Variants in SEC31B observed in about 807,000 individuals in gnomAD.
SEC31B encodes the protein SEC31 homolog B, COPII component.
In SEC31B, 113 loss-of-function variants were observed where a neutral mutation model predicts 135.0. The ratio of observed to expected loss-of-function variants is 0.84; its 90% CI spans 0.72 to 0.98. The LOEUF is 0.98. Among genes scored for constraint, SEC31B ranks in the 50% least tolerant of loss-of-function variants. The pLI is 0.00. For missense variants in SEC31B, 1,296 were observed against 1,421.1 expected, an observed-to-expected ratio of 0.91 and a Z score of 1.42; for synonymous variants, 508 against 549.4, an observed-to-expected ratio of 0.92 and a Z score of 1.05.
rs1262458366 is a variant in SEC31B at position 100,489,231 on chromosome 10, G to C, written c.3171+21C>G. On this transcript the variant is annotated intron_variant, in intron 23 of 25. Transcript: ENST00000370345. ...GGGCTGGAAGGTTTCCCAAGGGAGG[G>C]GAATACATTGTCCTTGTCACCTGCA... The C allele has an allele frequency of 3.1e-6, 5 of 1,591,306 alleles. No homozygotes were observed. In the Admixed American group the frequency reaches 5.5e-5, roughly 17 times the overall value.
chr10:100,489,150 C>A (rs1423913839), intron 23 of SEC31B, 102 bp downstream of exon 23: 6 of 1,456,766 alleles, frequency 4.1e-6, no homozygotes, highest in Non-Finnish European at 5.5e-6. Flanking sequence ...CCCCCAGTCT[C>A]CCTCAGCACA....
chr10:100,492,223 CTATT>C (rs893896568), intron 19 of SEC31B, among the ~76,000 whole-genome samples: 2 of 152,220 alleles, frequency 1.3e-5, no homozygotes, highest in South Asian at 2.1e-4. Flanking sequence ...TTCATGTTCA[CTATT>C]TATTTATTTT....
intron 19 of SEC31B, among the ~76,000 whole-genome samples, chr10:100,492,396 T>C (rs1851317564): frequency 6.6e-6 from 1 of 152,164 alleles, no homozygotes; most frequent in South Asian, 2.1e-4. Context: ...GTTAATTTTA[T>C]ATTTTTAGTA....
chr10:100,497,105 A>G (rs1275081999), intron 17 of SEC31B, 30 bp downstream of exon 17: 1 of 1,607,228 alleles, frequency 6.2e-7, no homozygotes, highest in Non-Finnish European at 8.5e-7. Flanking sequence ...CCTGGTGTGG[A>G]GTGGCCAGTA....
rs201132275 is a variant in SEC31B, at chr10:100,507,503, T to A, written c.704A>T (p.Asp235Val). ...CAGCTGAATCACGGGAAGTCGATCA[T>A]CCTCTGAGCACAGCACTAACTGGGT... ...IATQLVLCSE[D>V]DRLPVIQLWD... Residue 235 changes from aspartate to valine, a missense_variant, in exon 7 of 26, where the codon GAT (aspartate) becomes GTT (valine). Physicochemically the swap from Asp to Val is radical, Grantham distance 152 (BLOSUM62 -3). Transcript: ENST00000370345. The A allele has an allele frequency of 6.2e-7, 1 of 1,614,162 alleles. No individual in the cohort carries two copies. The highest frequency in any genetic ancestry group is 1.7e-5 in the Admixed American group (1 of 60,024).
chr10:100,498,876 C>A, intron 13 of SEC31B, 72 bp from the exon 14 acceptor site: 1 of 1,177,688 alleles, frequency 8.5e-7, no homozygotes, highest in South Asian at 1.3e-5. Context: ...CTTAGTAGCC[C>A]TGAGAGCTCT....
rs369119679 is a variant in SEC31B at position 100,490,724 on chromosome 10, T to G, written c.2632A>C (p.Ser878Arg). The change falls in exon 20 of 26, where the codon AGC becomes CGC. Residue 878 changes from serine to arginine, a missense_variant. Ser to Arg is a moderately radical substitution (Grantham distance 110). Transcript: ENST00000370345. Reference protein sequence around the residue: ...GPQAIQPLPLSPGVRPASSQP... With the variant: ...GPQAIQPLPLRPGVRPASSQP... ...CACTCACCAGGCCTTACCCCAGGGC[T>G]CAAAGGCAAAGGCTGGATGGCCTGG... The G allele has an allele frequency of 5.0e-6, 8 of 1,593,024 alleles. No homozygotes were observed. In the African/African-American group the frequency reaches 1.1e-4, roughly 21 times the overall value.
At chr10:100,508,136 C>G in intron 5 of SEC31B, 85 bp from the exon 6 acceptor site, 1 of 1,530,156 alleles carries the variant, frequency 6.5e-7, no homozygotes, top group Non-Finnish European at 9.0e-7. Flanking sequence ...CCCAGCCACC[C>G]ACAGCAAGTC....
At chr10:100,508,784 T>A in intron 5 of SEC31B, 1 of 574,338 alleles carries the variant, frequency 1.7e-6, no homozygotes, top group Non-Finnish European at 3.1e-6. Flanking sequence ...CAGAAACTCT[T>A]AGAACGAGTA....
Position 100,495,496 on chromosome 10 carries a change from A to T in SEC31B, c.2361T>A (p.Ala787=). 2 of 1,614,118 alleles carry T rather than the reference A, an allele frequency of 1.2e-6. No homozygotes were observed. The highest frequency in any genetic ancestry group is 1.7e-6 in the Non-Finnish European group (2 of 1,180,010). Residue 787 remains alanine (A), a synonymous_variant, in exon 19 of 26, where the codon GCT becomes GCA. Transcript: ENST00000370345. ...RDRLFHAQGS[A]VLGQQSPPFP... is the part of the protein sequence containing the mutation. The stretch of plus-strand genomic sequence containing the variant: ...AAGGGGGAGACTGTTGGCCCAAGAC[A>T]GCAGAACCTTGAGCATGAAAAAGCC...
rs755513434 is a variant in SEC31B at position 100,490,861 on chromosome 10, G to A, written c.2495C>T (p.Pro832Leu). 6.5e-7 allele frequency: 1 copy of A among 1,539,920 alleles called. No individual in the cohort carries two copies. The highest frequency in any genetic ancestry group is 8.8e-7 in the Non-Finnish European group (1 of 1,134,350). ...TGATGACTGAGGGGTGAAAACCCTT[G>A]GCCTTGGAGATGGAGTTGGGACCTA... ...SHQVPTPSPR[P>L]RVFTPQSSPA... Residue 832 changes from proline (P) to leucine (L), a missense_variant, in exon 20 of 26, where the codon CCA (proline) becomes CTA (leucine). Transcript: ENST00000370345.
At chr10:100,495,183 C>T in intron 19 of SEC31B, 1 of 583,412 alleles carries the variant, frequency 1.7e-6, no homozygotes, top group Non-Finnish European at 3.1e-6. Flanking sequence ...TACTTGAGGG[C>T]AAGTATCACA....
rs779402259 is a variant in SEC31B, at chr10:100,499,522, A to G, written c.1485+2T>C. The G allele has an allele frequency of 8.7e-6, 14 of 1,604,958 alleles. No individual in the cohort carries two copies. The highest frequency in any genetic ancestry group is 1.2e-5 in the Non-Finnish European group (14 of 1,175,554). Reference sequence around the variant, plus strand: ...ATGTTTCTGATGTGAAAAGCAGCTTACCTTCTTCTGAAGCTCATCTTTACT... The same window carrying G: ...ATGTTTCTGATGTGAAAAGCAGCTTGCCTTCTTCTGAAGCTCATCTTTACT... On this transcript the variant is annotated splice_donor_variant, in intron 12 of 25. Coordinates refer to ENST00000370345, the MANE Select transcript of SEC31B (RefSeq NM_015490.4). LOFTEE classifies it high-confidence loss of function.
intron 16 of SEC31B, 82 bp from the exon 17 acceptor site, chr10:100,497,362 C>A (rs1851431721): frequency 6.3e-6 from 10 of 1,576,772 alleles, no homozygotes. Context: ...GGGAGAGGAC[C>A]ATGAGCCTGG....
At chr10:100,491,382 T>G (rs1203155034) in intron 19 of SEC31B, among the ~76,000 whole-genome samples, 1 of 152,184 alleles carries the variant, frequency 6.6e-6, no homozygotes, top group Non-Finnish European at 1.5e-5. Flanking sequence ...GAAGGAACAC[T>G]TCCTAACTAA....
intron 3 of SEC31B, among the ~76,000 whole-genome samples, chr10:100,514,741 C>T (rs1018856377): frequency 4.6e-5 from 7 of 152,042 alleles, no homozygotes; most frequent in Non-Finnish European, 7.4e-5. Context: ...GTTCATCAAT[C>T]ATCAGAAGGA....
chr10:100,508,437 C>G (rs1304942540), intron 5 of SEC31B: 1 of 477,502 alleles, frequency 2.1e-6, no homozygotes, highest in Non-Finnish European at 4.1e-6. Flanking sequence ...CCACAAGATG[C>G]TATCAAATTG....
At position 100,498,193 on chromosome 10, in the gene SEC31B, G is replaced by A. The variant is rs1851449584; in HGVS notation, c.1699C>T (p.Leu567=). Residue 567 remains leucine, a synonymous_variant, in exon 15 of 26, where the codon CTA becomes TTA. Transcript: ENST00000370345. Reference sequence around the variant, plus strand: ...TCCCCAAGCAGGAGAGCCTGGCTTAGGAGTCCATCAATATCTGCAGGCAGA... The same window carrying A: ...TCCCCAAGCAGGAGAGCCTGGCTTAAGAGTCCATCAATATCTGCAGGCAGA... ...IPITKDIDGL[L]SQALLLGELG... is the part of the protein sequence containing the mutation. 1 of 1,614,158 alleles carries A rather than the reference G, an allele frequency of 6.2e-7. No homozygotes were observed.
At chr10:100,511,429 C>G (rs529927019) in intron 3 of SEC31B, among the ~76,000 whole-genome samples, 12 of 152,260 alleles carry the variant, frequency 7.9e-5, no homozygotes, top group Middle Eastern at 3.4e-3. Context: ...TATTCTGCAA[C>G]TTTCCTGTAA....
Sources: gnomAD v4.1 joint callset for allele counts (sites outside exome capture counted in the v4.1 genomes callset) on GRCh38, gnomAD v4.1.1 for gene constraint, MANE v1.5 for transcripts, NCBI Gene and HGNC (gene_info 2026-07-23, HGNC 2026-07-21) for gene names.